M1AP: variants seen among roughly 807,000 people sequenced by gnomAD.
M1AP encodes the protein meiosis 1 arrest protein.
In M1AP, 39 loss-of-function variants were observed where a neutral mutation model predicts 51.2. The observed-to-expected ratio is 0.76, with a 90% CI of 0.59 to 1.00. M1AP has a LOEUF of 1.00. M1AP is among the 50% of genes least tolerant of loss of function. The probability of loss-of-function intolerance (pLI) is 0.00; values close to 1 mark genes in which losing one functional copy is unlikely to be tolerated. For synonymous variants in M1AP, 251 were observed against 249.2 expected, an observed-to-expected ratio of 1.01 and a Z score of -0.07; for missense variants, 545 against 641.2, an observed-to-expected ratio of 0.85 and a Z score of 1.62.
intron 4 of M1AP, among the ~76,000 whole-genome samples, chr2:74,584,921 C>T (rs1679620414): frequency 6.6e-6 from 1 of 151,442 alleles, no homozygotes; most frequent in African/African-American, 2.4e-5. Context: ...CAGCTCTCTG[C>T]AACCTTCACC....
intron 4 of M1AP, among the ~76,000 whole-genome samples, chr2:74,604,756 T>C (rs1452234601): frequency 6.6e-6 from 1 of 152,236 alleles, no homozygotes; most frequent in Non-Finnish European, 1.5e-5. Flanking sequence ...TTGTGCTTAT[T>C]TGCATTTTTA....
intron 1 of M1AP, among the ~76,000 whole-genome samples, chr2:74,641,662 G>C (rs1683303655): frequency 1.4e-5 from 2 of 146,208 alleles, no homozygotes; most frequent in Non-Finnish European, 3.0e-5. Flanking sequence ...TTTTTGTAGA[G>C]ATGGGGTCTT....
intron 7 of M1AP, among the ~76,000 whole-genome samples, chr2:74,564,286 G>A (rs1443960232): frequency 6.6e-6 from 1 of 152,210 alleles, no homozygotes; most frequent in Non-Finnish European, 1.5e-5. Context: ...TCATCATTCT[G>A]TGCAGTGCGG....
chr2:74,641,100 G>A (rs1472670267), intron 1 of M1AP, among the ~76,000 whole-genome samples: 2 of 152,148 alleles, frequency 1.3e-5, no homozygotes, highest in African/African-American at 4.8e-5. Flanking sequence ...TTTCTCCTTG[G>A]TTAAAATTCT....
chr2:74,574,737 C>G (rs1387548173), intron 7 of M1AP, among the ~76,000 whole-genome samples: 1 of 152,234 alleles, frequency 6.6e-6, no homozygotes, highest in Admixed American at 6.6e-5. Flanking sequence ...GTCACTCTCT[C>G]CCTTCCTCCC....
chr2:74,577,168 G>A (rs1171093710), intron 5 of M1AP, among the ~76,000 whole-genome samples: 1 of 152,162 alleles, frequency 6.6e-6, no homozygotes, highest in Non-Finnish European at 1.5e-5. Context: ...TCAGAGTGGG[G>A]GGAAAGGAAT....
chr2:74,591,589 C>T (rs553170373), intron 4 of M1AP, among the ~76,000 whole-genome samples: 5 of 152,148 alleles, frequency 3.3e-5, no homozygotes, highest in Admixed American at 6.6e-5. Flanking sequence ...GTTAGGAAGG[C>T]GTTAAATCTT....
chr2:74,566,873 A>T (rs975554479), intron 7 of M1AP, among the ~76,000 whole-genome samples: 62 of 152,310 alleles, frequency 4.1e-4, no homozygotes, highest in Admixed American at 4.1e-3. Context: ...TCTGTGGCCA[A>T]TTAGGGCAGA....
chr2:74,568,031 C>T (rs771556136), intron 7 of M1AP, among the ~76,000 whole-genome samples: 4 of 152,204 alleles, frequency 2.6e-5, no homozygotes, highest in Non-Finnish European at 5.9e-5. Flanking sequence ...AAAAGTTACA[C>T]AACATTTATA....
At chr2:74,627,070 C>T (rs182237655) in intron 2 of M1AP, among the ~76,000 whole-genome samples, 313 of 152,240 alleles carry the variant, frequency 2.1e-3, no homozygotes, top group Non-Finnish European at 3.0e-3. Flanking sequence ...TTCCCAAAAA[C>T]GAATGGCTTT....
At position 74,575,234 on chromosome 2, in the gene M1AP, A is replaced by G. The variant is rs143401008; in HGVS notation, c.1074+204T>C. The G allele has an allele frequency of 7.7e-5, 73 of 942,124 alleles. No individual in the cohort carries two copies. In the African/African-American group the frequency reaches 1.2e-3, roughly 15 times the overall value. 58.4% of individuals were successfully genotyped at this position (942,124 alleles called of 1,614,324 possible). A position where few individuals can be genotyped will look rare whatever the true frequency, so the allele number is the denominator to read the frequency against. ...GGATTTTCAAGTTTAGTGTTGTATA[A>G]CTGAATTCAGGAATTATTCTCTATA... On this transcript the variant is annotated intron_variant, in intron 7 of 10. Transcript: ENST00000421985.
At position 74,560,188 on chromosome 2, in the gene M1AP, C is replaced by T. The variant is rs372356580; in HGVS notation, c.1385G>A (p.Arg462Gln). The change falls in exon 9 of 11, where the codon CGG becomes CAG. Residue 462 changes from arginine (R) to glutamine (Q), a missense_variant. Arg to Gln is a conservative substitution (Grantham distance 43). Transcript: ENST00000421985. ...TCGGCTCTCCCAGTGTGGGTGGAGC[C>T]GCCCCTGAGGCTTGGCATAGATGCT... Reference protein sequence around the residue: ...LSSIYAKPQGRLHPHWESRAP... With the variant: ...LSSIYAKPQGQLHPHWESRAP... 6 of 1,613,832 alleles carry T rather than the reference C, an allele frequency of 3.7e-6. No individual in the cohort carries two copies. The highest frequency in any genetic ancestry group is 2.7e-5 in the African/African-American group (2 of 74,960).
rs1020591613 is a variant in M1AP, at chr2:74,646,664, G to GT, written c.-53+1600dup. ...CTCTCTCATAAGTTTTACTATGAGA[G>GT]TTTTTTTTCAACAAATAAAACACTT... On this transcript the variant is annotated intron_variant, in intron 1 of 10. Coordinates refer to ENST00000421985, the MANE Select transcript of M1AP (RefSeq NM_001321739.2). 1.4e-3 allele frequency among the ~76,000 whole-genome samples: 219 copies of GT among 152,108 alleles called. 1 individual carries two copies. Among genetic ancestry groups the GT allele is most frequent in the African/African-American group, 4.5e-3 (187 of 41,498 alleles).
At chr2:74,612,965 GT>G (rs1187491728) in intron 3 of M1AP, among the ~76,000 whole-genome samples, 1 of 147,956 alleles carries the variant, frequency 6.8e-6, no homozygotes, top group East Asian at 1.9e-4. Flanking sequence ...TCTGCTCTGG[GT>G]TTTTTTTCCA....
chr2:74,630,143 C>G (rs919051574), intron 2 of M1AP, among the ~76,000 whole-genome samples: 3 of 151,976 alleles, frequency 2.0e-5, no homozygotes, highest in Non-Finnish European at 4.4e-5. Flanking sequence ...CACTATGTTG[C>G]CCAGGCTGGT....
chr2:74,569,362 T>C (rs1678579871), intron 7 of M1AP, among the ~76,000 whole-genome samples: 1 of 151,694 alleles, frequency 6.6e-6, no homozygotes, highest in Non-Finnish European at 1.5e-5. Context: ...GTCATGCACC[T>C]TCTCCCTCAC....
At chr2:74,623,506 A>G (rs1682193184) in intron 2 of M1AP, among the ~76,000 whole-genome samples, 1 of 150,916 alleles carries the variant, frequency 6.6e-6, no homozygotes, top group Non-Finnish European at 1.5e-5. Flanking sequence ...CTGTCTATAA[A>G]AAAAAAAAAA....
chr2:74,570,874 A>G (rs1431951661), intron 7 of M1AP, among the ~76,000 whole-genome samples: 1 of 152,222 alleles, frequency 6.6e-6, no homozygotes, highest in East Asian at 1.9e-4. Context: ...AGATTAATCA[A>G]AAGATTAATC....
intron 4 of M1AP, among the ~76,000 whole-genome samples, chr2:74,594,633 A>G (rs1680226406): frequency 6.6e-6 from 1 of 152,186 alleles, no homozygotes; most frequent in Admixed American, 6.5e-5. Flanking sequence ...TGGCATTTTC[A>G]GAGGCCAAGA....
Sources: gnomAD v4.1 joint callset for allele counts (sites outside exome capture counted in the v4.1 genomes callset) on GRCh38, gnomAD v4.1.1 for gene constraint, MANE v1.5 for transcripts, NCBI Gene and HGNC (gene_info 2026-07-23, HGNC 2026-07-21) for gene names.